The following PTK2B variants were observed in gnomAD, a reference collection of about 807,000 sequenced individuals.
PTK2B encodes protein-tyrosine kinase 2-beta.
In PTK2B, 71 loss-of-function variants were observed where a neutral mutation model predicts 142.9. The observed-to-expected ratio is 0.50, with a 90% CI of 0.41 to 0.61. The LOEUF is 0.61. PTK2B is among the 20% of genes least tolerant of loss of function. The pLI is 0.00. For missense variants in PTK2B, 1,105 were observed against 1,320.4 expected (o/e 0.84, Z 2.53); for synonymous variants, 519 against 503.4 (o/e 1.03, Z -0.42).
chr8:27,453,814 T>C (rs1879186), intron 28 of PTK2B, among the ~76,000 whole-genome samples: 130,364 of 152,228 alleles, frequency 0.86, 56,213 homozygotes, highest in Middle Eastern at 0.94. Flanking sequence ...GTCAAGGCAT[T>C]AGTGAGCTAT....
At chr8:27,429,099 G>T (rs934371233) in intron 5 of PTK2B, among the ~76,000 whole-genome samples, 1 of 152,132 alleles carries the variant, frequency 6.6e-6, no homozygotes, top group African/African-American at 2.4e-5. Flanking sequence ...TAGAGACAAG[G>T]TTTCACCATG....
Position 27,337,364 on chromosome 8 carries a change from T to C in PTK2B, c.-38+11683T>C, listed in dbSNP as rs117683433. On this transcript the variant is annotated intron_variant, in intron 1 of 30. Transcript: ENST00000346049. The stretch of plus-strand genomic sequence containing the variant: ...GTCGGCCAGGCTAGTCTTGAACTCC[T>C]AGCTCAAGTGATCCACCCGCGTTGG... 4.6e-3 allele frequency among the ~76,000 whole-genome samples: 704 copies of C among 152,298 alleles called. 7 individuals carry two copies. Among genetic ancestry groups the C allele is most frequent in the East Asian group, 0.035 (181 of 5,180 alleles).
At chr8:27,424,324 C>A (rs2131897472) in intron 5 of PTK2B, among the ~76,000 whole-genome samples, 1 of 152,266 alleles carries the variant, frequency 6.6e-6, no homozygotes, top group South Asian at 2.1e-4. Context: ...AAGCTCCAGG[C>A]ACTGCACTAA....
Position 27,439,041 on chromosome 8 carries a change from G to A in PTK2B, c.1654G>A (p.Val552Ile). 6.2e-7 allele frequency: 1 copy of A among 1,614,006 alleles called. No individual in the cohort carries two copies. Among genetic ancestry groups the A allele is most frequent in the Non-Finnish European group, 8.5e-7 (1 of 1,179,870 alleles). The change falls in exon 19 of 31, where the codon GTC becomes ATC. Residue 552 changes from valine to isoleucine, a missense_variant. Transcript: ENST00000346049. The stretch of plus-strand genomic sequence containing the variant: ...ATGCCCTTCTTCCAGGGACATTGCT[G>A]TCCGGAACATCCTGGTGGCCTCCCC... ...SINCVHRDIA[V>I]RNILVASPEC...
Position 27,336,975 on chromosome 8 carries a change from T to TC in PTK2B, c.-38+11300dup, listed in dbSNP as rs1429988237. ...CTCAGCCCCACGTCCCCACCACCCGTCCCCCCTCCCCCCGCCACTGCCAGT... is the reference window on the plus strand; with the variant it reads ...CTCAGCCCCACGTCCCCACCACCCGTCCCCCCCTCCCCCCGCCACTGCCAGT... On this transcript the variant is annotated intron_variant, in intron 1 of 30. Coordinates refer to ENST00000346049, the MANE Select transcript of PTK2B (RefSeq NM_173176.3). Among the ~76,000 whole-genome samples the TC allele has an allele frequency of 5.6e-3, 342 of 61,338 alleles. 1 individual carries two copies. The highest frequency in any genetic ancestry group is 0.019 in the African/African-American group (316 of 16,614). 40.2% of individuals were successfully genotyped at this position (61,338 alleles called of 152,430 possible).
intron 5 of PTK2B, among the ~76,000 whole-genome samples, chr8:27,428,758 C>T (rs1303391307): frequency 6.6e-6 from 1 of 152,138 alleles, no homozygotes; most frequent in Non-Finnish European, 1.5e-5. Context: ...CAGGCTGGGG[C>T]ACAGAGTGCA....
At chr8:27,352,331 C>T (rs546396745) in intron 1 of PTK2B, among the ~76,000 whole-genome samples, 32 of 152,268 alleles carry the variant, frequency 2.1e-4, no homozygotes, top group South Asian at 1.2e-3. Flanking sequence ...GTAGGCATGA[C>T]GCATGGAAGG....
At chr8:27,422,042 G>A (rs1156995928) in intron 4 of PTK2B, among the ~76,000 whole-genome samples, 1 of 151,880 alleles carries the variant, frequency 6.6e-6, no homozygotes, top group African/African-American at 2.4e-5. Context: ...TGGGGGGCAG[G>A]GGAGGGGAAT....
At position 27,422,311 on chromosome 8, in the gene PTK2B, A is replaced by G; in HGVS notation, c.479A>G (p.Asn160Ser). 1 of 1,613,526 alleles carries G rather than the reference A, an allele frequency of 6.2e-7. No individual in the cohort carries two copies. The highest frequency in any genetic ancestry group is 8.5e-7 in the Non-Finnish European group (1 of 1,179,692). ...GACCTTTCTCCCCACCAGCTCCGGA[A>G]CGACTACATGCAGCGCTACGCCAGC... ...TLLYFYQQLRNDYMQRYASKV... is the reference protein window; with the variant it reads ...TLLYFYQQLRSDYMQRYASKV... The change falls in exon 5 of 31, where the codon AAC (asparagine) becomes AGC (serine). Residue 160 changes from asparagine (N) to serine (S), a missense_variant. Coordinates refer to ENST00000346049, the MANE Select transcript of PTK2B (RefSeq NM_173176.3).
intron 1 of PTK2B, among the ~76,000 whole-genome samples, chr8:27,334,920 A>G (rs1393559526): frequency 1.3e-5 from 2 of 152,012 alleles, no homozygotes; most frequent in Non-Finnish European, 2.9e-5. Context: ...TTCTTTATTA[A>G]ACCACTCCTA....
intron 1 of PTK2B, among the ~76,000 whole-genome samples, chr8:27,330,046 A>G (rs1317209013): frequency 6.6e-6 from 1 of 152,142 alleles, no homozygotes; most frequent in African/African-American, 2.4e-5. Flanking sequence ...CCGTCAGTGC[A>G]TCTTGTGGAG....
exon 1 of PTK2B, chr8:27,311,661 G>A (rs976122683): frequency 1.0e-5 from 2 of 194,908 alleles, no homozygotes; most frequent in Admixed American, 6.1e-5. Context: ...GGAGAAACCA[G>A]AGATGCCAAC....
intron 5 of PTK2B, among the ~76,000 whole-genome samples, chr8:27,424,901 T>C (rs1408578587): frequency 2.0e-5 from 3 of 151,922 alleles, no homozygotes; most frequent in Admixed American, 1.3e-4. Flanking sequence ...TTTCCTAGCT[T>C]AAAAAAGAGG....
rs1810090986 is a variant in PTK2B, at chr8:27,426,468, G to A, written c.552-3625G>A. ...TGGGAGACGTGGGTGCCCCTGGAGA[G>A]CAGCTGAGATGGGACTCAACACAGA... On this transcript the variant is annotated intron_variant, in intron 5 of 30. Coordinates refer to ENST00000346049, the MANE Select transcript of PTK2B (RefSeq NM_173176.3). Among the ~76,000 whole-genome samples, 3 of 152,364 alleles carry A rather than the reference G, an allele frequency of 2.0e-5. No homozygotes were observed. The South Asian group carries it at 6.2e-4, about 32-fold the overall frequency.
At chr8:27,408,861 A>G (rs1372638345) in intron 2 of PTK2B, among the ~76,000 whole-genome samples, 1 of 152,214 alleles carries the variant, frequency 6.6e-6, no homozygotes, top group Admixed American at 6.5e-5. Flanking sequence ...AGTGATGTGA[A>G]ACAACAGAAA....
At chr8:27,361,503 C>T (rs1005769849) in intron 1 of PTK2B, among the ~76,000 whole-genome samples, 7 of 152,168 alleles carry the variant, frequency 4.6e-5, no homozygotes, top group Non-Finnish European at 1.0e-4. Flanking sequence ...GGATTACAGG[C>T]ATGAGCCACC....
chr8:27,320,980 CTTTTTTTTTTTTTT>C (rs776395346), upstream of PTK2B, among the ~76,000 whole-genome samples: 27 of 39,398 alleles, frequency 6.9e-4, 1 homozygote, highest in African/African-American at 9.1e-4. Flanking sequence ...ATACAAAAGG[CTTTTTTTTTTTTTT>C]TTTTTTTTTT....
upstream of PTK2B, chr8:27,311,049 G>A (rs995193521): frequency 6.3e-7 from 1 of 1,598,934 alleles, no homozygotes; most frequent in African/African-American, 1.3e-5. Flanking sequence ...GGTGACGCGC[G>A]GTCTTTGCAC....
intron 30 of PTK2B, among the ~76,000 whole-genome samples, chr8:27,456,498 C>T (rs892873443): frequency 7.2e-5 from 11 of 152,292 alleles, no homozygotes; most frequent in East Asian, 5.8e-4. Context: ...ACTGCTCCTC[C>T]GACCATGCAT....
Sources: allele counts gnomAD v4.1 joint callset (sites outside exome capture counted in the v4.1 genomes callset), GRCh38; gene constraint gnomAD v4.1.1; transcripts MANE v1.5; gene names NCBI Gene and HGNC (gene_info 2026-07-23, HGNC 2026-07-21).